Variants in KASH5 observed in about 807,000 individuals in gnomAD.
The protein encoded by KASH5 is protein KASH5.
A neutral mutation model predicts 84.2 loss-of-function variants in KASH5; 72 were observed. The observed-to-expected ratio is 0.85, with a 90% CI of 0.71 to 1.04. KASH5 has a LOEUF of 1.04. KASH5 is among the 50% of genes least tolerant of loss of function. The probability of loss-of-function intolerance (pLI) is 0.00; values close to 1 mark genes in which losing one functional copy is unlikely to be tolerated. For synonymous variants in KASH5, 260 were observed against 279.1 expected, an observed-to-expected ratio of 0.93 and a Z score of 0.68; for missense variants, 650 against 701.0, an observed-to-expected ratio of 0.93 and a Z score of 0.82.
At chr19:49,410,893 G>T (rs1238969287) in intron 15 of KASH5, among the ~76,000 whole-genome samples, 1 of 151,340 alleles carries the variant, frequency 6.6e-6, no homozygotes, top group Non-Finnish European at 1.5e-5. Context: ...AAAGTGCTGG[G>T]ATTACAAGCA....
chr19:49,398,924 TG>T, intron 7 of KASH5, 100 bp from the exon 8 acceptor site: 1 of 879,118 alleles, frequency 1.1e-6, no homozygotes, highest in Non-Finnish European at 1.8e-6. Flanking sequence ...GCCTACCACC[TG>T]GGATCTCTCT....
rs1398480639 is a variant in KASH5, at chr19:49,412,035, C to T, written c.1270-933C>T. ...TGTGCAAGGCCTTGGCATAAAATCA[C>T]GATATGCTTGAGGAGTAGAGGGTAA... On this transcript the variant is annotated intron_variant, in intron 15 of 19. Transcript: ENST00000447857. This position sits in a 1 kb window ranked among gnomAD's most constrained non-coding sequence, Gnocchi z 4.6. Among the ~76,000 whole-genome samples the T allele has an allele frequency of 6.6e-6, 1 of 152,060 alleles. No homozygotes were observed. The highest frequency in any genetic ancestry group is 1.5e-5 in the Non-Finnish European group (1 of 68,010).
Position 49,399,006 on chromosome 19 carries a change from T to G in KASH5, c.630-19T>G. 2 of 1,543,120 alleles carry G rather than the reference T, an allele frequency of 1.3e-6. No individual in the cohort carries two copies. Among genetic ancestry groups the G allele is most frequent in the Non-Finnish European group, 1.8e-6 (2 of 1,139,704 alleles). On this transcript the variant is annotated intron_variant, in intron 7 of 19. Coordinates refer to ENST00000447857, the MANE Select transcript of KASH5 (RefSeq NM_144688.5). This position sits in a 1 kb window ranked among gnomAD's most constrained non-coding sequence, Gnocchi z 4.4. ...CTTCCTCCCTCTCGTATGGCTCATC[T>G]GCCCCCACCCGCATTCAGCACCCAG...
At chr19:49,391,114 G>A (rs1395106212) in intron 2 of KASH5, among the ~76,000 whole-genome samples, 188 bp downstream of exon 2, 1 of 152,140 alleles carries the variant, frequency 6.6e-6, no homozygotes, top group African/African-American at 2.4e-5. Context: ...CCGCCCACCT[G>A]TCACTACCCC....
chr19:49,392,582 T>C (rs911209139), intron 2 of KASH5, among the ~76,000 whole-genome samples: 2 of 152,150 alleles, frequency 1.3e-5, no homozygotes, highest in African/African-American at 2.4e-5. Context: ...AACCATCTCA[T>C]TGGGCCTCAG....
intron 15 of KASH5, among the ~76,000 whole-genome samples, chr19:49,410,476 CCAT>C: frequency 6.7e-6 from 1 of 149,242 alleles, no homozygotes; most frequent in Non-Finnish European, 1.5e-5. Flanking sequence ...GAACACACCA[CCAT>C]GACTGGCTTT....
Position 49,417,859 on chromosome 19 carries a change from GCTTC to G in KASH5, c.*352_*355del, listed in dbSNP as rs1974961524. ...TCATGCTCAGGAGTTGGCAGTTGTA[GCTTC>G]CTACATCACATCTGCGGGAAACGGA... is the stretch of plus-strand genomic sequence containing the variant. On this transcript the variant is annotated 3_prime_UTR_variant, in exon 20 of 20. Transcript: ENST00000447857. The surrounding 1 kb of genome is among the most constrained non-coding windows in gnomAD (Gnocchi z 5.2). 3.9e-6 allele frequency: 1 copy of G among 256,134 alleles called. No individual in the cohort carries two copies. Among genetic ancestry groups the G allele is most frequent in the Admixed American group, 5.3e-5 (1 of 18,760 alleles). 15.9% of individuals were successfully genotyped at this position (256,134 alleles called of 1,614,324 possible).
intron 12 of KASH5, among the ~76,000 whole-genome samples, chr19:49,407,975 G>C (rs1191252540): frequency 6.6e-6 from 1 of 152,014 alleles, no homozygotes; most frequent in Non-Finnish European, 1.5e-5. Flanking sequence ...GAGTGCAGTG[G>C]CACAATCTCG....
rs773833096 is a variant in KASH5, at chr19:49,407,241, G to A, written c.878G>A (p.Arg293Gln). Reference protein sequence around the residue: ...ELAMEKDTLKRQLFECEHLIC... With the variant: ...ELAMEKDTLKQQLFECEHLIC... ...ATGGACCGGCTCCTTTCTTGGCAGC[G>A]GCAGCTCTTTGAGTGTGAACACCTC... The change falls in exon 11 of 20, where the codon CGG becomes CAG. Residue 293 changes from arginine (R) to glutamine (Q), a missense_variant and splice_region_variant. Physicochemically the swap from Arg to Gln is conservative, Grantham distance 43. Transcript: ENST00000447857. 16 of 1,613,396 alleles carry A rather than the reference G, an allele frequency of 9.9e-6. No homozygotes were observed. Among genetic ancestry groups the A allele is most frequent in the African/African-American group, 2.7e-5 (2 of 74,904 alleles).
chr19:49,402,421 G>T (rs2122157631), intron 9 of KASH5, among the ~76,000 whole-genome samples: 1 of 149,810 alleles, frequency 6.7e-6, no homozygotes, highest in South Asian at 2.1e-4. Flanking sequence ...ATAAAAGAAT[G>T]AAAGGCCAGG....
At chr19:49,394,039 C>T (rs1176235850) in intron 2 of KASH5, among the ~76,000 whole-genome samples, 4 of 152,128 alleles carry the variant, frequency 2.6e-5, no homozygotes, top group Non-Finnish European at 4.4e-5. Flanking sequence ...ATGCAGCAGG[C>T]GGGATCGATC....
At chr19:49,405,591 G>A (rs1974499201) in intron 9 of KASH5, among the ~76,000 whole-genome samples, 1 of 152,094 alleles carries the variant, frequency 6.6e-6, no homozygotes, top group Admixed American at 6.6e-5. Context: ...TCAAGTAGGA[G>A]ATAAATGCTG....
intron 7 of KASH5, among the ~76,000 whole-genome samples, chr19:49,398,368 C>G (rs1413625183): frequency 2.0e-5 from 3 of 149,756 alleles, no homozygotes; most frequent in Admixed American, 6.6e-5. Flanking sequence ...ACTTCTCTCT[C>G]TCTCTTTTTT....
chr19:49,405,509 A>G lies in KASH5; in HGVS notation c.799-1377A>G, dbSNP rs145173210. 3.3e-5 allele frequency among the ~76,000 whole-genome samples: 5 copies of G among 151,916 alleles called. 1 individual carries two copies. In the East Asian group the frequency reaches 9.7e-4, roughly 30 times the overall value. ...AGGAGCACAAACTTTCTAGTATGAG[A>G]TGATACTGAGTTATTGTTAATTTTG... On this transcript the variant is annotated intron_variant, in intron 9 of 19. Transcript: ENST00000447857.
intron 9 of KASH5, among the ~76,000 whole-genome samples, chr19:49,403,915 T>C (rs1368341570): frequency 5.3e-5 from 8 of 152,162 alleles, no homozygotes; most frequent in Non-Finnish European, 1.0e-4. Context: ...AGTTCTCAAG[T>C]TACAGTAGAA....
Position 49,416,978 on chromosome 19 carries a change from A to C in KASH5, c.1375-37A>C. The C allele has an allele frequency of 6.4e-7, 1 of 1,557,446 alleles. No homozygotes were observed. The highest frequency in any genetic ancestry group is 8.7e-7 in the Non-Finnish European group (1 of 1,150,480). On this transcript the variant is annotated intron_variant, in intron 17 of 19. Transcript: ENST00000447857. This position sits in a 1 kb window ranked among gnomAD's most constrained non-coding sequence, Gnocchi z 5.4. The stretch of plus-strand genomic sequence containing the variant: ...TGACCTGAGCACCTCTCAGTCCAGA[A>C]CCCGGTGCCTCCAACGCATCTCTTC...
intron 6 of KASH5, 122 bp from the exon 7 acceptor site, chr19:49,397,860 G>C: frequency 7.0e-7 from 1 of 1,426,912 alleles, no homozygotes; most frequent in Non-Finnish European, 9.7e-7. Context: ...GAGCAGAGGA[G>C]TCTCTCTCCT....
Position 49,409,050 on chromosome 19 carries a change from G to T in KASH5, c.1058+19G>T. On this transcript the variant is annotated intron_variant, in intron 13 of 19. Coordinates refer to ENST00000447857, the MANE Select transcript of KASH5 (RefSeq NM_144688.5). ...CCGATGAGTGAGTGGAATTTCAAGG[G>T]GTAGGAGGAGGCAGGAGGGGAGCCT... is the stretch of plus-strand genomic sequence containing the variant. 6.3e-7 allele frequency: 1 copy of T among 1,585,584 alleles called. No homozygotes were observed. The highest frequency in any genetic ancestry group is 8.6e-7 in the Non-Finnish European group (1 of 1,166,154).
At chr19:49,410,746 C>T (rs943757523) in intron 15 of KASH5, among the ~76,000 whole-genome samples, 15 of 152,104 alleles carry the variant, frequency 9.9e-5, no homozygotes, top group Non-Finnish European at 1.8e-4. Context: ...CCTCGGCCTC[C>T]GAAAGTGCTG....
Sources: gnomAD v4.1 joint callset for allele counts (sites outside exome capture counted in the v4.1 genomes callset) on GRCh38, gnomAD v4.1.1 for gene constraint, Gnocchi (gnomAD v3.1) non-coding constraint, MANE v1.5 for transcripts, NCBI Gene and HGNC (gene_info 2026-07-23, HGNC 2026-07-21) for gene names.